ZDHHC24: variants seen among roughly 807,000 people sequenced by gnomAD.
ZDHHC24 encodes probable palmitoyltransferase ZDHHC24.
Under a neutral mutation model 23.2 loss-of-function variants are expected in ZDHHC24, and 17 were observed. The ratio of observed to expected loss-of-function variants is 0.73; its 90% CI spans 0.50 to 1.10. ZDHHC24 has a LOEUF of 1.10. ZDHHC24 is among the 50% of genes least tolerant of loss of function. ZDHHC24 has a pLI of 0.00. For missense variants in ZDHHC24, 366 were observed against 393.0 expected (o/e 0.93, Z 0.58); for synonymous variants, 186 against 194.5 (o/e 0.96, Z 0.36).
At chr11:66,524,306 C>T (rs1856391246) in intron 4 of ZDHHC24, 2 of 318,132 alleles carry the variant, frequency 6.3e-6, no homozygotes, top group South Asian at 2.7e-5. Flanking sequence ...TGTTGAGCAC[C>T]TCATATGTAC....
chr11:66,523,172 A>C (rs1299000539), intron 4 of ZDHHC24: 1 of 561,456 alleles, frequency 1.8e-6, no homozygotes, highest in Admixed American at 2.2e-5. Context: ...TAAATGCTAG[A>C]TGATCATACA....
At position 66,545,878 on chromosome 11, in the gene ZDHHC24, C is replaced by A. The variant is rs1252112734; in HGVS notation, c.126G>T (p.Gly42=). ...ELAYVLVLGP[G]PPPLGPLARA... is the part of the protein sequence containing the mutation. Reference sequence around the variant, plus strand: ...GGGCCAGGGGTCCCAGCGGCGGCGGCCCGGGACCGAGCACCAGCACGTAAG... The same window carrying A: ...GGGCCAGGGGTCCCAGCGGCGGCGGACCGGGACCGAGCACCAGCACGTAAG... The change falls in exon 1 of 3, where the codon GGG becomes GGT. Residue 42 remains glycine, a synonymous_variant. Coordinates refer to ENST00000310442, the MANE Select transcript of ZDHHC24 (RefSeq NM_207340.3). The surrounding 1 kb of genome is among the most constrained non-coding windows in gnomAD (Gnocchi z 4.5). The A allele has an allele frequency of 1.9e-6, 3 of 1,545,444 alleles. No homozygotes were observed. Among genetic ancestry groups the A allele is most frequent in the Non-Finnish European group, 2.6e-6 (3 of 1,151,978 alleles).
At chr11:66,526,151 G>C in intron 4 of ZDHHC24, 2 of 1,614,168 alleles carry the variant, frequency 1.2e-6, no homozygotes, top group Non-Finnish European at 8.5e-7. Flanking sequence ...TGCTTTGGCC[G>C]GTACGGGCGG....
chr11:66,522,822 T>C, intron 4 of ZDHHC24: 1 of 303,670 alleles, frequency 3.3e-6, no homozygotes, highest in Non-Finnish European at 6.4e-6. Context: ...ATGAGTGCTA[T>C]GGAGAAAAAA....
intron 3 of ZDHHC24, among the ~76,000 whole-genome samples, chr11:66,527,236 A>G (rs931189938): frequency 3.3e-5 from 5 of 151,346 alleles, no homozygotes; most frequent in African/African-American, 1.2e-4. Context: ...AGAGAGAAAG[A>G]GAAAAGTAGA....
chr11:66,526,935 C>A lies in ZDHHC24; in HGVS notation c.*21+1G>T, dbSNP rs759097676. ...CTCGGCCAACTAGGTAGGTCACTCACCTCTGCAAATCCAGGGACAGCCTAG... is the reference window on the plus strand; with the variant it reads ...CTCGGCCAACTAGGTAGGTCACTCAACTCTGCAAATCCAGGGACAGCCTAG... On this transcript the variant is annotated splice_donor_variant, in intron 4 of 4. Coordinates refer to the ZDHHC24 transcript ENST00000526986. LOFTEE classifies it low-confidence loss of function (3UTR_SPLICE). 1 of 1,595,522 alleles carries A rather than the reference C, an allele frequency of 6.3e-7. No individual in the cohort carries two copies. Among genetic ancestry groups the A allele is most frequent in the Non-Finnish European group, 8.5e-7 (1 of 1,175,168 alleles).
chr11:66,521,319 A>G (rs1856205970), exon 5 of ZDHHC24: 1 of 1,614,102 alleles, frequency 6.2e-7, no homozygotes, highest in African/African-American at 1.3e-5. Flanking sequence ...GGCCAGTTTG[A>G]TGTTGAGTTC....
rs769434877 is a variant in ZDHHC24 at position 66,529,858 on chromosome 11, G to A, written c.560-370C>T. On this transcript the variant is annotated intron_variant, in intron 2 of 4. Coordinates refer to the ZDHHC24 transcript ENST00000526986. Reference sequence around the variant, plus strand: ...TTCCAGACAGACCTATACCTGCTGCGCCTACGTGCTGCCCGCGCCTACCTG... The same window carrying A: ...TTCCAGACAGACCTATACCTGCTGCACCTACGTGCTGCCCGCGCCTACCTG... The A allele has an allele frequency of 6.8e-6, 11 of 1,610,628 alleles. No homozygotes were observed. In the African/African-American group the frequency reaches 8.0e-5, roughly 12 times the overall value.
In ZDHHC24 at chr11:66,527,219, A is replaced by G. The variant is rs11828255; in HGVS notation, c.737-213T>C. On this transcript the variant is annotated intron_variant, in intron 3 of 4. Transcript: ENST00000526986. ...GATACTTCTTTCTCAAAAAAAAAAA[A>G]AGAGAGAGAGAGAAAGAGAAAAGTA... is the stretch of plus-strand genomic sequence containing the variant. Among the ~76,000 whole-genome samples the G allele has an allele frequency of 7.7e-3, 1,165 of 151,832 alleles. 17 individuals carry two copies. Among genetic ancestry groups the G allele is most frequent in the African/African-American group, 0.026 (1,091 of 41,398 alleles).
exon 5 of ZDHHC24, chr11:66,521,435 A>G (rs1341190066): frequency 1.2e-5 from 16 of 1,360,596 alleles, no homozygotes; most frequent in Non-Finnish European, 1.5e-5. Context: ...TGGTGGCTTC[A>G]GAGGCTTGCA....
intron 3 of ZDHHC24, among the ~76,000 whole-genome samples, chr11:66,527,950 G>A (rs1430671871): frequency 3.3e-5 from 5 of 152,136 alleles, no homozygotes; most frequent in Admixed American, 2.0e-4. Flanking sequence ...AAGAAAGCAG[G>A]CCCGGTTCGG....
In ZDHHC24 at chr11:66,545,679, C is replaced by T. The variant is rs771646900; in HGVS notation, c.281+44G>A. Reference sequence around the variant, plus strand: ...AGGTCTTGGGGCCCCTCCCCCCTGTCCAAGGCTCCCACTTCTCCCCGCCCG... The same window carrying T: ...AGGTCTTGGGGCCCCTCCCCCCTGTTCAAGGCTCCCACTTCTCCCCGCCCG... On this transcript the variant is annotated intron_variant, in intron 1 of 2. Coordinates refer to ENST00000310442, the MANE Select transcript of ZDHHC24 (RefSeq NM_207340.3). This position sits in a 1 kb window ranked among gnomAD's most constrained non-coding sequence, Gnocchi z 4.5. The T allele has an allele frequency of 5.5e-6, 8 of 1,461,044 alleles. No homozygotes were observed. Among genetic ancestry groups the T allele is most frequent in the Non-Finnish European group, 7.2e-6 (8 of 1,111,006 alleles). The allele number at this position is 1,461,044 out of a possible 1,614,324, so 90.5% of individuals were successfully genotyped here.
chr11:66,545,066 G>GTC lies in ZDHHC24; in HGVS notation c.281+655_281+656dup, dbSNP rs984228589. 9.9e-5 allele frequency among the ~76,000 whole-genome samples: 15 copies of GTC among 152,116 alleles called. No homozygotes were observed. Among genetic ancestry groups the GTC allele is most frequent in the African/African-American group, 3.6e-4 (15 of 41,422 alleles). On this transcript the variant is annotated intron_variant, in intron 1 of 2. Transcript: ENST00000310442. This position sits in a 1 kb window ranked among gnomAD's most constrained non-coding sequence, Gnocchi z 4.5. ...TATTTATTTATTTGAGACGGAGGGA[G>GTC]TCTTGCTCTGTCACCCAGGCTGGAG... is the stretch of plus-strand genomic sequence containing the variant.
intron 2 of ZDHHC24, chr11:66,530,033 A>T: frequency 6.5e-7 from 1 of 1,531,340 alleles, no homozygotes. Context: ...CACACAGCTA[A>T]GCCCCAGAGC....
intron 4 of ZDHHC24, chr11:66,524,275 ATCTT>A: frequency 6.3e-6 from 2 of 317,916 alleles, no homozygotes; most frequent in African/African-American, 2.2e-5. Context: ...GCGAGACTCC[ATCTT>A]AAAAAAAAAA....
downstream of ZDHHC24, chr11:66,533,412 T>C (rs138091204): frequency 1.3e-5 from 2 of 152,374 alleles, no homozygotes; most frequent in South Asian, 2.1e-4. Context: ...TTGCTTGATA[T>C]ATCAATCTTA....
At chr11:66,527,192 A>C in intron 3 of ZDHHC24, 2 of 582,350 alleles carry the variant, frequency 3.4e-6, no homozygotes, top group Non-Finnish European at 3.0e-6. Flanking sequence ...GGGTAACATA[A>C]TGATACTTCT....
rs566464780 is a variant in ZDHHC24 at position 66,535,992 on chromosome 11, G to T, written c.*3537C>A. On this transcript the variant is annotated 3_prime_UTR_variant, in exon 3 of 3. Transcript: ENST00000310442. Reference sequence around the variant, plus strand: ...ACACAATAATCCGGATACATCTCAGGAACATAATCAAGTGAAAAGGCAAAC... The same window carrying T: ...ACACAATAATCCGGATACATCTCAGTAACATAATCAAGTGAAAAGGCAAAC... 3.3e-5 allele frequency: 5 copies of T among 152,164 alleles called. No homozygotes were observed. The highest frequency in any genetic ancestry group is 9.7e-5 in the African/African-American group (4 of 41,438). The allele number at this position is 152,164 out of a possible 1,614,324, so 9.4% of individuals were successfully genotyped here.
chr11:66,523,469 C>T (rs1463525989), intron 4 of ZDHHC24: 3 of 1,613,968 alleles, frequency 1.9e-6, no homozygotes, highest in Non-Finnish European at 2.5e-6. Context: ...CTCCAAGCAC[C>T]CCAAGTACTG....
Sources: allele counts gnomAD v4.1 joint callset (sites outside exome capture counted in the v4.1 genomes callset), GRCh38; gene constraint gnomAD v4.1.1; non-coding constraint Gnocchi (gnomAD v3.1); transcripts MANE v1.5; gene names NCBI Gene and HGNC (gene_info 2026-07-23, HGNC 2026-07-21).